SCFD1: variants seen among roughly 807,000 people sequenced by gnomAD.
SCFD1 encodes sec1 family domain containing 1, also known as sec1 family domain-containing protein 1.
A neutral mutation model predicts 103.2 loss-of-function variants in SCFD1; 37 were observed. The observed-to-expected ratio is 0.36, with a 90% CI of 0.28 to 0.47. SCFD1 has a LOEUF of 0.47. Ranked by LOEUF, SCFD1 falls within the 20% of genes least tolerant of loss-of-function variation. The pLI is 1.00. For synonymous variants in SCFD1, 264 were observed against 245.0 expected, an observed-to-expected ratio of 1.08 and a Z score of -0.73; for missense variants, 639 against 761.2, an observed-to-expected ratio of 0.84 and a Z score of 1.89.
intron 23 of SCFD1, among the ~76,000 whole-genome samples, chr14:30,726,665 G>A (rs951668464): frequency 2.0e-5 from 3 of 152,272 alleles, no homozygotes; most frequent in East Asian, 1.9e-4. Context: ...ATTGAGGAGC[G>A]TACTTAATCC....
intron 14 of SCFD1, among the ~76,000 whole-genome samples, chr14:30,681,329 A>G (rs951781947): frequency 6.6e-6 from 1 of 152,126 alleles, no homozygotes; most frequent in Non-Finnish European, 1.5e-5. Flanking sequence ...CGGAAATATC[A>G]TAAAGCAGTT....
chr14:30,712,150 T>G (rs1891928070), intron 19 of SCFD1, among the ~76,000 whole-genome samples: 1 of 152,124 alleles, frequency 6.6e-6, no homozygotes, highest in Admixed American at 6.5e-5. Flanking sequence ...CACCCTTCTA[T>G]CATTGATACA....
chr14:30,705,085 A>G (rs1462888799), intron 17 of SCFD1, among the ~76,000 whole-genome samples: 1 of 152,190 alleles, frequency 6.6e-6, no homozygotes, highest in Admixed American at 6.6e-5. Flanking sequence ...TTAGTTACAG[A>G]GATTCTGGAC....
chr14:30,690,958 A>C (rs1890254804), intron 14 of SCFD1, among the ~76,000 whole-genome samples: 1 of 152,212 alleles, frequency 6.6e-6, no homozygotes, highest in Admixed American at 6.5e-5. Context: ...CCCAAACTGT[A>C]TTCTCTTTTG....
intron 1 of SCFD1, among the ~76,000 whole-genome samples, chr14:30,624,267 C>T (rs745736452): frequency 1.3e-5 from 2 of 152,212 alleles, no homozygotes; most frequent in African/African-American, 4.8e-5. Flanking sequence ...AATGCGTCTT[C>T]GTTACAGGTT....
Position 30,650,605 on chromosome 14 carries a change from GA to G in SCFD1, c.713del (p.Asn238ThrfsTer21). The G allele has an allele frequency of 1.2e-6, 2 of 1,610,698 alleles. No homozygotes were observed. Among genetic ancestry groups the G allele is most frequent in the Non-Finnish European group, 1.7e-6 (2 of 1,177,424 alleles). On this transcript the variant is annotated frameshift_variant, in exon 9 of 25. Coordinates refer to ENST00000458591, the MANE Select transcript of SCFD1 (RefSeq NM_016106.4). LOFTEE classifies it high-confidence loss of function. ...CTTCGAGAAAATCTAAGAGATGCAA[GA>G]AACAGTCTTTTTACAGGTGATACAC... ...KKLRENLRDA[R>X]NSLFTGDTLG...
intron 1 of SCFD1, among the ~76,000 whole-genome samples, chr14:30,623,019 A>G (rs1490634199): frequency 1.3e-5 from 2 of 152,218 alleles, no homozygotes; most frequent in African/African-American, 4.8e-5. Flanking sequence ...GCATGTTTAT[A>G]TAGCTTCTAT....
chr14:30,640,991 C>G (rs1029834994), intron 6 of SCFD1, among the ~76,000 whole-genome samples: 7 of 151,902 alleles, frequency 4.6e-5, no homozygotes, highest in Non-Finnish European at 1.0e-4. Context: ...AAGCATGTTA[C>G]AATATGAGCT....
intron 15 of SCFD1, among the ~76,000 whole-genome samples, chr14:30,698,062 T>A (rs1890817049): frequency 6.6e-6 from 1 of 152,220 alleles, no homozygotes; most frequent in Non-Finnish European, 1.5e-5. Context: ...TTAGAGAATG[T>A]CTTTGACATT....
intron 10 of SCFD1, chr14:30,658,349 T>G (rs1316329847): frequency 6.5e-6 from 1 of 154,818 alleles, no homozygotes; most frequent in Non-Finnish European, 1.4e-5. Flanking sequence ...TATGTATTTT[T>G]TAAAAGGTTG....
chr14:30,653,538 A>T lies in SCFD1; in HGVS notation c.805A>T (p.Thr269Ser), dbSNP rs760041814. 16 of 1,613,486 alleles carry T rather than the reference A, an allele frequency of 9.9e-6. No homozygotes were observed. Among genetic ancestry groups the T allele is most frequent in the Non-Finnish European group, 1.3e-5 (15 of 1,179,744 alleles). ...VLVDRNIDLA[T>S]PLHHTWTYQA... ...TGTTGACAGAAACATAGATTTGGCA[A>T]CTCCTTTACATCATACTTGGACATA... is the stretch of plus-strand genomic sequence containing the variant. Residue 269 changes from threonine (T) to serine (S), a missense_variant, in exon 10 of 25, where the codon ACT (threonine) becomes TCT (serine). Transcript: ENST00000458591.
intron 7 of SCFD1, among the ~76,000 whole-genome samples, chr14:30,647,397 A>G (rs1392699656): frequency 1.3e-5 from 2 of 151,590 alleles, no homozygotes; most frequent in Non-Finnish European, 2.9e-5. Flanking sequence ...CTGAGCTCCA[A>G]TTTTTGATTC....
At chr14:30,679,554 T>C (rs1889308074) in intron 14 of SCFD1, among the ~76,000 whole-genome samples, 1 of 152,152 alleles carries the variant, frequency 6.6e-6, no homozygotes, top group Non-Finnish European at 1.5e-5. Flanking sequence ...AGAAAAAAAA[T>C]GTCAGTCACT....
At position 30,638,233 on chromosome 14, in the gene SCFD1, A is replaced by G; in HGVS notation, c.421A>G (p.Thr141Ala). The G allele has an allele frequency of 1.2e-6, 2 of 1,613,240 alleles. No homozygotes were observed. Among genetic ancestry groups the G allele is most frequent in the African/African-American group, 1.3e-5 (1 of 74,992 alleles). ...TGCAGCGTTAGCAGCTAGTGCAGTA[A>G]CACAAGTAGCCAAGGTAAGAGAGTT... Reference protein sequence around the residue: ...ANAALAASAVTQVAKVFDQYL... With the variant: ...ANAALAASAVAQVAKVFDQYL... Residue 141 changes from threonine to alanine, a missense_variant, in exon 5 of 25, where the codon ACA becomes GCA. Physicochemically the swap from Thr to Ala is moderately conservative, Grantham distance 58. Coordinates refer to ENST00000458591, the MANE Select transcript of SCFD1 (RefSeq NM_016106.4).
chr14:30,702,175 C>T (rs1418389660), intron 16 of SCFD1, 121 bp from the exon 17 acceptor site: 2 of 604,626 alleles, frequency 3.3e-6, no homozygotes, highest in Non-Finnish European at 5.8e-6. Context: ...CTCCACTCTA[C>T]TTGGGTGCCA....
intron 18 of SCFD1, among the ~76,000 whole-genome samples, chr14:30,706,147 A>G (rs1891454575): frequency 6.6e-6 from 1 of 152,184 alleles, no homozygotes; most frequent in South Asian, 2.1e-4. Context: ...AGTAATTAGC[A>G]TATCACCTCA....
At chr14:30,700,996 T>C (rs1891041943) in intron 16 of SCFD1, among the ~76,000 whole-genome samples, 1 of 152,248 alleles carries the variant, frequency 6.6e-6, no homozygotes, top group Non-Finnish European at 1.5e-5. Context: ...ATCAGACTTC[T>C]TCTGGGTTAG....
chr14:30,713,018 G>A (rs577566930), intron 19 of SCFD1, among the ~76,000 whole-genome samples: 1 of 152,082 alleles, frequency 6.6e-6, no homozygotes, highest in African/African-American at 2.4e-5. Flanking sequence ...TGTTTTCCAT[G>A]TGCTAATATG....
intron 15 of SCFD1, among the ~76,000 whole-genome samples, chr14:30,697,872 T>C (rs1192756017): frequency 6.6e-6 from 1 of 152,234 alleles, no homozygotes; most frequent in African/African-American, 2.4e-5. Context: ...GACAACTGTA[T>C]GTGGCACATG....
Sources: gnomAD v4.1 joint callset for allele counts (sites outside exome capture counted in the v4.1 genomes callset) on GRCh38, gnomAD v4.1.1 for gene constraint, MANE v1.5 for transcripts, NCBI Gene and HGNC (gene_info 2026-07-23, HGNC 2026-07-21) for gene names.